The following HACE1 variants were observed in gnomAD, a reference collection of about 807,000 sequenced individuals.
The protein encoded by HACE1 is E3 ubiquitin-protein ligase HACE1.
In HACE1, 73 loss-of-function variants were observed where a neutral mutation model predicts 118.4. That is an observed-to-expected ratio of 0.62 (90% CI 0.51 to 0.75). The LOEUF is 0.75. HACE1 is among the 30% of genes least tolerant of loss of function. The probability of loss-of-function intolerance (pLI) is 0.00; values close to 1 mark genes in which losing one functional copy is unlikely to be tolerated. For synonymous variants in HACE1, 368 were observed against 374.8 expected, an observed-to-expected ratio of 0.98 and a Z score of 0.21; for missense variants, 749 against 1,102.2, an observed-to-expected ratio of 0.68 and a Z score of 4.54.
chr6:104,786,998 C>T (rs1203777886), intron 11 of HACE1: 1 of 152,180 alleles, frequency 6.6e-6, no homozygotes, highest in African/African-American at 2.4e-5. Flanking sequence ...CTAACAAATA[C>T]CTTCACTGCC....
At chr6:104,814,087 A>C (rs1177905726) in intron 6 of HACE1, among the ~76,000 whole-genome samples, 5 of 137,878 alleles carry the variant, frequency 3.6e-5, no homozygotes, top group African/African-American at 1.4e-4. Context: ...AAATTTGTGA[A>C]TCAATCAAGG....
intron 5 of HACE1, 24 bp downstream of exon 5, chr6:104,843,199 T>C: frequency 8.9e-7 from 1 of 1,119,814 alleles, no homozygotes; most frequent in Non-Finnish European, 1.4e-6. Context: ...TTTTAAAACA[T>C]CAGATGAAAT....
At chr6:104,858,787 C>T (rs951343276) in intron 1 of HACE1, among the ~76,000 whole-genome samples, 9 of 152,174 alleles carry the variant, frequency 5.9e-5, no homozygotes, top group Non-Finnish European at 1.0e-4. Context: ...CTCCCATCAC[C>T]ACTAAAATGT....
intron 11 of HACE1, among the ~76,000 whole-genome samples, chr6:104,790,862 T>TTA (rs1782955695): frequency 6.6e-6 from 1 of 152,148 alleles, no homozygotes; most frequent in Admixed American, 6.5e-5. Flanking sequence ...ACAAGAGCAA[T>TTA]TATAGTCCTA....
At chr6:104,731,814 G>A (rs1056968652) in intron 22 of HACE1, 5 of 149,846 alleles carry the variant, frequency 3.3e-5, no homozygotes, top group African/African-American at 9.9e-5. Flanking sequence ...ATTTGGCAAC[G>A]ATTTATTGAA....
intron 14 of HACE1, among the ~76,000 whole-genome samples, chr6:104,782,633 A>T (rs189416192): frequency 2.9e-4 from 44 of 152,346 alleles, no homozygotes; most frequent in Admixed American, 1.9e-3. Context: ...CATCTTATAC[A>T]ATGGTTAAGA....
At chr6:104,737,387 T>A (rs545046400) in intron 22 of HACE1, among the ~76,000 whole-genome samples, 1 of 146,606 alleles carries the variant, frequency 6.8e-6, no homozygotes, top group Non-Finnish European at 1.5e-5. Flanking sequence ...ACGCAAAAGA[T>A]GGTGATTTCT....
intron 22 of HACE1, among the ~76,000 whole-genome samples, chr6:104,733,485 G>C (rs1288816365): frequency 6.6e-6 from 1 of 152,064 alleles, no homozygotes. Flanking sequence ...AACAGTCTTT[G>C]GTTGAATATT....
At chr6:104,787,528 G>A (rs1295342243) in intron 11 of HACE1, 1 of 152,148 alleles carries the variant, frequency 6.6e-6, no homozygotes, top group African/African-American at 2.4e-5. Context: ...ATCAGAAAAT[G>A]AACTTCTGAA....
intron 16 of HACE1, 23 bp from the exon 17 acceptor site, chr6:104,776,851 A>G (rs762112164): frequency 6.6e-5 from 102 of 1,534,410 alleles, no homozygotes; most frequent in Non-Finnish European, 9.0e-5. Context: ...AATAAAATTA[A>G]GCATCAACAG....
At chr6:104,745,511 G>A (rs575479968) in intron 20 of HACE1, among the ~76,000 whole-genome samples, 1 of 147,464 alleles carries the variant, frequency 6.8e-6, no homozygotes, top group African/African-American at 2.5e-5. Context: ...CAGTGGCGCG[G>A]CTCACTGCAA....
At chr6:104,804,689 C>T (rs1427132431) in intron 7 of HACE1, among the ~76,000 whole-genome samples, 1 of 152,124 alleles carries the variant, frequency 6.6e-6, no homozygotes, top group Non-Finnish European at 1.5e-5. Context: ...CTTCCTTACA[C>T]CTTATACAAA....
At chr6:104,808,808 A>G (rs530992216) in intron 7 of HACE1, among the ~76,000 whole-genome samples, 1 of 152,330 alleles carries the variant, frequency 6.6e-6, no homozygotes, top group African/African-American at 2.4e-5. Flanking sequence ...TATCACAAGT[A>G]AAATTAAAAG....
At chr6:104,826,215 C>T (rs1029915619) in intron 6 of HACE1, among the ~76,000 whole-genome samples, 1 of 152,060 alleles carries the variant, frequency 6.6e-6, no homozygotes, top group Admixed American at 6.6e-5. Flanking sequence ...GAAACTGGGC[C>T]CTAGTGCCAA....
intron 22 of HACE1, among the ~76,000 whole-genome samples, chr6:104,740,580 G>C (rs1043569492): frequency 1.3e-5 from 2 of 151,398 alleles, no homozygotes; most frequent in African/African-American, 2.4e-5. Flanking sequence ...TAAATTCCTC[G>C]ACACATACAC....
intron 10 of HACE1, among the ~76,000 whole-genome samples, chr6:104,794,081 G>T (rs1178963560): frequency 4.6e-5 from 7 of 152,094 alleles, no homozygotes; most frequent in Non-Finnish European, 8.8e-5. Context: ...TACTAATGAG[G>T]ATATAAATCC....
chr6:104,825,496 G>A (rs73768831), intron 6 of HACE1, among the ~76,000 whole-genome samples: 5,206 of 152,064 alleles, frequency 0.034, 279 homozygotes, highest in African/African-American at 0.12. Flanking sequence ...GCAAGCAATC[G>A]GACTGAGGGC....
chr6:104,732,178 C>T (rs1775282981), intron 22 of HACE1: 1 of 152,050 alleles, frequency 6.6e-6, no homozygotes, highest in Admixed American at 6.6e-5. Flanking sequence ...AATTACAATA[C>T]AGAATTATCA....
chr6:104,835,082 C>T lies in HACE1; in HGVS notation c.403-1909G>A, dbSNP rs746915238. On this transcript the variant is annotated intron_variant, in intron 5 of 23. Coordinates refer to ENST00000262903, the MANE Select transcript of HACE1 (RefSeq NM_020771.4). ...CAGCACGCAGACTGTTAACATCTTC[C>T]GGGCAGTTGGAAGAGTCTTCTCTGA... 8.4e-4 allele frequency among the ~76,000 whole-genome samples: 128 copies of T among 152,282 alleles called. No individual in the cohort carries two copies. The Middle Eastern group carries it at 0.01, about 12-fold the overall frequency.
Sources: gnomAD v4.1 joint callset for allele counts (sites outside exome capture counted in the v4.1 genomes callset) on GRCh38, gnomAD v4.1.1 for gene constraint, MANE v1.5 for transcripts, NCBI Gene and HGNC (gene_info 2026-07-23, HGNC 2026-07-21) for gene names.